PTPRD: variants seen among roughly 807,000 people sequenced by gnomAD.
PTPRD encodes protein tyrosine phosphatase receptor type D.
PTPRD carries 34 observed loss-of-function variants against 214.5 expected under a neutral mutation model. The observed-to-expected ratio is 0.16, with a 90% confidence interval of 0.12 to 0.21. The LOEUF is 0.21. PTPRD is among the 10% of genes least tolerant of loss of function. The probability of loss-of-function intolerance (pLI) is 1.00; values close to 1 mark genes in which losing one functional copy is unlikely to be tolerated. For synonymous variants in PTPRD, 1,128 were observed against 845.7 expected, an observed-to-expected ratio of 1.33 and a Z score of -5.79; for missense variants, 2,545 against 2,398.7, an observed-to-expected ratio of 1.06 and a Z score of -1.27.
At chr9:9,714,919 A>C (rs2097792626) in intron 7 of PTPRD, among the ~76,000 whole-genome samples, 1 of 152,214 alleles carries the variant, frequency 6.6e-6, no homozygotes. Flanking sequence ...ATGGAGGAAG[A>C]ATTAAAATAT....
intron 10 of PTPRD, among the ~76,000 whole-genome samples, chr9:9,082,219 G>C (rs2099760274): frequency 1.3e-5 from 2 of 151,956 alleles, no homozygotes; most frequent in African/African-American, 4.8e-5. Flanking sequence ...TAAAATACTG[G>C]CAAACCGAAT....
At chr9:8,842,508 G>C (rs895722289) in intron 11 of PTPRD, among the ~76,000 whole-genome samples, 1 of 152,054 alleles carries the variant, frequency 6.6e-6, no homozygotes, top group African/African-American at 2.4e-5. Context: ...TATTTGATAT[G>C]GCTGTTCCAT....
chr9:9,666,355 A>T (rs2096721816), intron 7 of PTPRD, among the ~76,000 whole-genome samples: 1 of 151,982 alleles, frequency 6.6e-6, no homozygotes, highest in Non-Finnish European at 1.5e-5. Flanking sequence ...AGTATCAAAA[A>T]TAAACAGTAA....
chr9:9,295,058 A>G (rs953991682), intron 9 of PTPRD, among the ~76,000 whole-genome samples: 7 of 151,760 alleles, frequency 4.6e-5, no homozygotes, highest in African/African-American at 1.7e-4. Flanking sequence ...AATTATCTTA[A>G]CCCAAAACAG....
chr9:10,133,069 A>G (rs988792368), intron 3 of PTPRD, among the ~76,000 whole-genome samples: 9 of 152,184 alleles, frequency 5.9e-5, no homozygotes, highest in African/African-American at 1.9e-4. Context: ...CCATGTAGAT[A>G]TAGAGGCAAA....
intron 11 of PTPRD, among the ~76,000 whole-genome samples, chr9:8,938,687 T>C (rs1434577176): frequency 1.3e-5 from 2 of 151,786 alleles, no homozygotes; most frequent in African/African-American, 4.8e-5. Context: ...ATTCTTTTAG[T>C]ACAAAGGGTC....
chr9:8,316,439 C>G lies in PTPRD; in HGVS notation c.*1435G>C, dbSNP rs1821818945. 1 of 230,778 alleles carries G rather than the reference C, an allele frequency of 4.3e-6. No homozygotes were observed. The highest frequency in any genetic ancestry group is 2.2e-5 in the African/African-American group (1 of 45,144). The allele number at this position is 230,778 out of a possible 1,614,324, so 14.3% of individuals were successfully genotyped here. ...AAATGTTTCTGACTGAACAGAGTAA[C>G]ATGAATTTGGCTTTGCCCCTGTTAC... On this transcript the variant is annotated 3_prime_UTR_variant, in exon 46 of 46. Transcript: ENST00000381196.
intron 9 of PTPRD, among the ~76,000 whole-genome samples, chr9:9,326,163 A>G (rs781543881): frequency 4.4e-4 from 67 of 152,262 alleles, no homozygotes; most frequent in Non-Finnish European, 3.7e-4. Flanking sequence ...AGGCACAGAG[A>G]AAGTGTGACT....
intron 32 of PTPRD, among the ~76,000 whole-genome samples, chr9:8,463,382 T>C (rs373335696): frequency 6.7e-6 from 1 of 148,214 alleles, no homozygotes; most frequent in South Asian, 2.2e-4. Flanking sequence ...CAAAGAACTA[T>C]ATATCTAAGA....
chr9:8,960,752 G>C (rs1432168941), intron 11 of PTPRD, among the ~76,000 whole-genome samples: 2 of 152,030 alleles, frequency 1.3e-5, no homozygotes, highest in African/African-American at 4.8e-5. Context: ...TATTGAAGCT[G>C]GCAAATTATG....
intron 8 of PTPRD, among the ~76,000 whole-genome samples, chr9:9,534,466 A>C (rs2076121672): frequency 6.6e-6 from 1 of 152,082 alleles, no homozygotes; most frequent in Non-Finnish European, 1.5e-5. Flanking sequence ...ACATGAGGTG[A>C]TATTTATTGA....
intron 2 of PTPRD, among the ~76,000 whole-genome samples, chr9:10,455,134 A>T (rs950267484): frequency 9.2e-5 from 14 of 151,738 alleles, no homozygotes; most frequent in African/African-American, 3.4e-4. Flanking sequence ...CTCAAAGCTT[A>T]TCAATGATCT....
chr9:8,710,360 T>C (rs1375680256), intron 12 of PTPRD, among the ~76,000 whole-genome samples: 1 of 152,200 alleles, frequency 6.6e-6, no homozygotes, highest in Non-Finnish European at 1.5e-5. Context: ...CTTATGCCTG[T>C]AATCCTAGCA....
rs907472427 is a variant in PTPRD at position 9,980,056 on chromosome 9, A to G, written c.-471-41446T>C. Among the ~76,000 whole-genome samples, 9 of 152,312 alleles carry G rather than the reference A, an allele frequency of 5.9e-5. No individual in the cohort carries two copies. In the South Asian group the frequency reaches 8.3e-4, roughly 14 times the overall value. The stretch of plus-strand genomic sequence containing the variant: ...ATAGGAAAATACTTTGTAAACCACA[A>G]TTGAGAAAATATTTATTAAACAAGA... On this transcript the variant is annotated intron_variant, in intron 4 of 45. Coordinates refer to ENST00000381196, the MANE Select transcript of PTPRD (RefSeq NM_002839.4).
At chr9:8,459,793 AC>A in intron 33 of PTPRD, among the ~76,000 whole-genome samples, 1 of 152,204 alleles carries the variant, frequency 6.6e-6, no homozygotes, top group South Asian at 2.1e-4. Context: ...GGAAAATAGT[AC>A]CTTGGCATCC....
intron 34 of PTPRD, among the ~76,000 whole-genome samples, chr9:8,447,684 G>A (rs771199743): frequency 1.3e-5 from 2 of 152,120 alleles, no homozygotes; most frequent in African/African-American, 4.8e-5. Flanking sequence ...TGCGAGAGGA[G>A]GTGAGGTGTA....
chr9:9,795,469 G>T (rs2098996064), intron 5 of PTPRD, among the ~76,000 whole-genome samples: 1 of 151,932 alleles, frequency 6.6e-6, no homozygotes, highest in African/African-American at 2.4e-5. Context: ...TGTATTTAAG[G>T]AACCAAAAAC....
rs150122452 is a variant in PTPRD at position 9,160,196 on chromosome 9, T to C, written c.-143+23108A>G. On this transcript the variant is annotated intron_variant, in intron 10 of 45. Transcript: ENST00000381196. ...AAAGCAAAACATAGACAAATGGGATTGTATCAAACTAAAATGCTTCTGCAT... is the reference window on the plus strand; with the variant it reads ...AAAGCAAAACATAGACAAATGGGATCGTATCAAACTAAAATGCTTCTGCAT... 7.4e-3 allele frequency among the ~76,000 whole-genome samples: 1,134 copies of C among 152,256 alleles called. 54 individuals carry two copies. The highest frequency in any genetic ancestry group is 0.066 in the Admixed American group (1,014 of 15,268).
chr9:8,500,193 A>C (rs1329685077), intron 24 of PTPRD, among the ~76,000 whole-genome samples: 1 of 152,042 alleles, frequency 6.6e-6, no homozygotes, highest in Non-Finnish European at 1.5e-5. Context: ...TAATAACAAA[A>C]ACTGGCTGTT....
Sources: allele counts gnomAD v4.1 joint callset (sites outside exome capture counted in the v4.1 genomes callset), GRCh38; gene constraint gnomAD v4.1.1; transcripts MANE v1.5; gene names NCBI Gene and HGNC (gene_info 2026-07-23, HGNC 2026-07-21).